Variants in ERBIN observed in about 807,000 individuals in gnomAD.
ERBIN encodes densin-180-like protein.
In ERBIN, 60 loss-of-function variants were observed where a neutral mutation model predicts 158.4. The observed-to-expected ratio is 0.38, with a 90% CI of 0.31 to 0.47. ERBIN has a LOEUF of 0.47. Ranked by LOEUF, ERBIN falls within the 20% of genes least tolerant of loss-of-function variation. The pLI, the probability that ERBIN is intolerant of heterozygous loss-of-function variation, is 0.99. For missense variants in ERBIN, 1,610 were observed against 1,648.0 expected, an observed-to-expected ratio of 0.98 and a Z score of 0.40; for synonymous variants, 594 against 557.2, an observed-to-expected ratio of 1.07 and a Z score of -0.93.
intron 4 of ERBIN, among the ~76,000 whole-genome samples, chr5:66,003,183 AGGAACAGTAAG>A (rs1023442367): frequency 2.0e-5 from 3 of 152,220 alleles, no homozygotes; most frequent in African/African-American, 7.2e-5. Flanking sequence ...TTTGGAGTGC[AGGAACAGTAAG>A]GGACTCCTGT....
At chr5:66,014,600 G>C in intron 6 of ERBIN, 69 bp from the exon 7 acceptor site, 1 of 739,844 alleles carries the variant, frequency 1.4e-6, no homozygotes, top group Non-Finnish European at 2.2e-6. Context: ...TAAAACATTA[G>C]AATATGAAAT....
chr5:66,018,522 ATATATTATATTAT>A lies in ERBIN; in HGVS notation c.534-2799_534-2787del, dbSNP rs1755179331. Among the ~76,000 whole-genome samples the A allele has an allele frequency of 2.6e-4, 2 of 7,674 alleles. 1 individual carries two copies. The highest frequency in any genetic ancestry group is 5.7e-4 in the Non-Finnish European group (2 of 3,524). 5.0% of individuals were successfully genotyped at this position (7,674 alleles called of 152,430 possible). ...TAATATATATTATATATTATATAAT[ATATATTATATTAT>A]ATAATATATATTATATATTATATAA... On this transcript the variant is annotated intron_variant, in intron 7 of 25. Coordinates refer to ENST00000284037, the MANE Select transcript of ERBIN (RefSeq NM_001253697.2).
chr5:65,931,319 T>C (rs1743348566), intron 1 of ERBIN, among the ~76,000 whole-genome samples: 1 of 152,254 alleles, frequency 6.6e-6, no homozygotes. Context: ...TGTGAAGTTA[T>C]GACCTGTGGT....
intron 1 of ERBIN, among the ~76,000 whole-genome samples, chr5:65,964,945 T>TGTGTGTGTGTGTGTG (rs1244833398): frequency 1.7e-5 from 2 of 116,602 alleles, no homozygotes; most frequent in African/African-American, 7.1e-5. Flanking sequence ...TGTGTGTGTG[T>TGTGTGTGTGTGTGTG]AATTTTTTTT....
At chr5:66,055,137 ATCC>A in intron 21 of ERBIN, 186 bp downstream of exon 21, 1 of 1,353,526 alleles carries the variant, frequency 7.4e-7, no homozygotes, top group Non-Finnish European at 9.5e-7. Context: ...GTGTGTTTCT[ATCC>A]TCTCCTTCAC....
intron 12 of ERBIN, 24 bp downstream of exon 12, chr5:66,026,001 G>T (rs906477481): frequency 1.9e-6 from 3 of 1,552,102 alleles, no homozygotes; most frequent in South Asian, 1.3e-5. Flanking sequence ...GATTTGTTTA[G>T]ATTTTTGTCT....
chr5:65,978,784 C>T (rs1580232460), intron 1 of ERBIN, among the ~76,000 whole-genome samples: 1 of 152,154 alleles, frequency 6.6e-6, no homozygotes, highest in Non-Finnish European at 1.5e-5. Context: ...TACATTTTGC[C>T]AAGAAGTCGC....
In ERBIN at chr5:66,079,111, A is replaced by T. The variant is rs1762257253; in HGVS notation, c.*581A>T. 1 of 152,760 alleles carries T rather than the reference A, an allele frequency of 6.5e-6. No homozygotes were observed. The highest frequency in any genetic ancestry group is 1.5e-5 in the Non-Finnish European group (1 of 68,138). 9.5% of individuals were successfully genotyped at this position (152,760 alleles called of 1,614,324 possible). A position where few individuals can be genotyped will look rare whatever the true frequency, so the allele number is the denominator to read the frequency against. On this transcript the variant is annotated 3_prime_UTR_variant, in exon 26 of 26. Transcript: ENST00000284037. Reference sequence around the variant, plus strand: ...ACAGTTATTTTCTATAAAAATCTGGAAGCAAAGAATGGGGATGGGGAGAGC... The same window carrying T: ...ACAGTTATTTTCTATAAAAATCTGGTAGCAAAGAATGGGGATGGGGAGAGC...
chr5:66,025,080 A>G (rs1224887866), intron 10 of ERBIN, among the ~76,000 whole-genome samples: 1 of 152,102 alleles, frequency 6.6e-6, no homozygotes, highest in Non-Finnish European at 1.5e-5. Flanking sequence ...TATATGGAAT[A>G]GTTTTTTATA....
chr5:66,044,858 C>CT (rs1389463531), intron 17 of ERBIN, among the ~76,000 whole-genome samples: 1 of 151,758 alleles, frequency 6.6e-6, no homozygotes, highest in Non-Finnish European at 1.5e-5. Context: ...GGGATGGTCA[C>CT]TTACACCGAG....
At chr5:66,015,506 G>T (rs1000950613) in intron 7 of ERBIN, among the ~76,000 whole-genome samples, 1 of 152,084 alleles carries the variant, frequency 6.6e-6, no homozygotes, top group African/African-American at 2.4e-5. Flanking sequence ...GTGTTAGAGT[G>T]GTTATCACTG....
At chr5:66,047,918 T>G (rs921443718) in intron 18 of ERBIN, among the ~76,000 whole-genome samples, 1 of 151,960 alleles carries the variant, frequency 6.6e-6, no homozygotes, top group African/African-American at 2.4e-5. Context: ...GGGATTTAAA[T>G]GAATGCAAAT....
At chr5:66,001,548 A>T (rs1331613646) in intron 4 of ERBIN, among the ~76,000 whole-genome samples, 1 of 152,100 alleles carries the variant, frequency 6.6e-6, no homozygotes, top group Non-Finnish European at 1.5e-5. Context: ...TTCTCTGTTT[A>T]TTGGTCTGGT....
chr5:66,003,862 A>G (rs554077539), intron 4 of ERBIN, among the ~76,000 whole-genome samples: 4 of 151,664 alleles, frequency 2.6e-5, no homozygotes, highest in Non-Finnish European at 5.9e-5. Flanking sequence ...AGTGATTTGA[A>G]GAAGACATTT....
intron 1 of ERBIN, among the ~76,000 whole-genome samples, chr5:65,959,411 G>T (rs190483076): frequency 6.6e-6 from 1 of 152,242 alleles, no homozygotes; most frequent in Non-Finnish European, 1.5e-5. Context: ...AAACACAGTT[G>T]ATAGTGTCCT....
intron 1 of ERBIN, chr5:65,961,124 G>A (rs1478907940): frequency 6.6e-6 from 1 of 152,060 alleles, no homozygotes; most frequent in African/African-American, 2.4e-5. Context: ...AATTCCTTCT[G>A]TGTAATTCTG....
chr5:66,016,135 G>A (rs891832655), intron 7 of ERBIN, among the ~76,000 whole-genome samples: 1 of 152,130 alleles, frequency 6.6e-6, no homozygotes, highest in Admixed American at 6.5e-5. Flanking sequence ...TTCAATGCAT[G>A]GATGAATGTT....
intron 1 of ERBIN, among the ~76,000 whole-genome samples, chr5:65,951,713 A>G (rs1023034448): frequency 1.3e-5 from 2 of 152,230 alleles, no homozygotes; most frequent in Non-Finnish European, 2.9e-5. Flanking sequence ...TCGTAAAGCT[A>G]TGTATAAAGT....
intron 1 of ERBIN, among the ~76,000 whole-genome samples, chr5:65,945,640 CTATT>C: frequency 6.6e-6 from 1 of 152,128 alleles, no homozygotes; most frequent in Non-Finnish European, 1.5e-5. Context: ...AATATATAAA[CTATT>C]TTATGTAGTT....
Sources: gnomAD v4.1 joint callset for allele counts (sites outside exome capture counted in the v4.1 genomes callset) on GRCh38, gnomAD v4.1.1 for gene constraint, MANE v1.5 for transcripts, NCBI Gene and HGNC (gene_info 2026-07-23, HGNC 2026-07-21) for gene names.